DEPTOR: variants seen among roughly 807,000 people sequenced by gnomAD.
DEPTOR encodes DEP domain containing MTOR interacting protein, also known as DEP domain-containing mTOR-interacting protein.
A neutral mutation model predicts 41.6 loss-of-function variants in DEPTOR; 41 were observed. The ratio of observed to expected loss-of-function variants is 0.98; its 90% CI spans 0.77 to 1.28. The LOEUF (loss-of-function observed/expected upper bound fraction) is 1.28, where lower values mean the gene tolerates loss of function less well. Among genes scored for constraint, DEPTOR ranks in the 50% most tolerant of loss-of-function variants. The probability of loss-of-function intolerance (pLI) is 0.00; values close to 1 mark genes in which losing one functional copy is unlikely to be tolerated. For missense variants in DEPTOR, 514 were observed against 527.9 expected (o/e 0.97, Z 0.26); for synonymous variants, 195 against 192.3 (o/e 1.01, Z -0.12).
At chr8:119,993,884 C>T (rs1023730378) in intron 4 of DEPTOR, among the ~76,000 whole-genome samples, 7 of 151,692 alleles carry the variant, frequency 4.6e-5, no homozygotes, top group African/African-American at 9.7e-5. Context: ...AGGCCGGGTG[C>T]GGTGGCTCAC....
intron 4 of DEPTOR, among the ~76,000 whole-genome samples, chr8:119,997,779 C>T (rs1300737703): frequency 6.6e-6 from 1 of 152,070 alleles, no homozygotes; most frequent in Non-Finnish European, 1.5e-5. Context: ...ATAGTTACAA[C>T]CCTAGATTGC....
chr8:120,016,186 A>AATAT (rs1812608874), intron 8 of DEPTOR, among the ~76,000 whole-genome samples: 1 of 152,170 alleles, frequency 6.6e-6, no homozygotes, highest in Admixed American at 6.5e-5. Flanking sequence ...TCTGCTTATA[A>AATAT]AGGCACTAAT....
chr8:119,915,472 G>C (rs951370557), intron 1 of DEPTOR, among the ~76,000 whole-genome samples: 3 of 152,128 alleles, frequency 2.0e-5, no homozygotes, highest in African/African-American at 4.8e-5. Context: ...GTCACAAACA[G>C]ATTCTAGGCT....
intron 8 of DEPTOR, among the ~76,000 whole-genome samples, chr8:120,033,820 C>T (rs908951055): frequency 2.0e-5 from 3 of 152,184 alleles, no homozygotes; most frequent in Non-Finnish European, 2.9e-5. Flanking sequence ...TTTAGAGTGA[C>T]TTCTTGAACT....
chr8:119,942,277 A>C (rs61519992), intron 3 of DEPTOR, among the ~76,000 whole-genome samples: 18,174 of 152,204 alleles, frequency 0.12, 1,683 homozygotes, highest in African/African-American at 0.25. Flanking sequence ...ATCTTGGCTC[A>C]CTGCAATCTC....
At chr8:119,931,225 A>C (rs1321447445) in intron 3 of DEPTOR, among the ~76,000 whole-genome samples, 6 of 152,044 alleles carry the variant, frequency 3.9e-5, no homozygotes, top group African/African-American at 1.2e-4. Flanking sequence ...CTAAAAAAAA[A>C]CAAAACATAT....
At chr8:120,048,446 C>T (rs1813185035) in intron 8 of DEPTOR, among the ~76,000 whole-genome samples, 1 of 152,156 alleles carries the variant, frequency 6.6e-6, no homozygotes, top group Non-Finnish European at 1.5e-5. Context: ...ACTGTGACCT[C>T]CACCATGGTT....
chr8:120,005,063 T>C (rs2130091539), intron 6 of DEPTOR, among the ~76,000 whole-genome samples: 1 of 152,282 alleles, frequency 6.6e-6, no homozygotes, highest in East Asian at 1.9e-4. Flanking sequence ...AGTTTCTATA[T>C]TTTTCAACAT....
intron 4 of DEPTOR, among the ~76,000 whole-genome samples, chr8:119,973,905 A>C (rs1828663948): frequency 6.6e-6 from 1 of 152,186 alleles, no homozygotes; most frequent in Non-Finnish European, 1.5e-5. Flanking sequence ...TCAGTGGAAG[A>C]CAGTAGCAGA....
intron 6 of DEPTOR, 68 bp from the exon 7 acceptor site, chr8:120,006,737 A>G: frequency 7.1e-7 from 1 of 1,405,300 alleles, no homozygotes; most frequent in South Asian, 1.2e-5. Context: ...ATATCAATAA[A>G]TAGCTGCTGA....
intron 8 of DEPTOR, among the ~76,000 whole-genome samples, chr8:120,014,160 T>G (rs1015063117): frequency 4.6e-5 from 7 of 152,184 alleles, no homozygotes; most frequent in African/African-American, 1.7e-4. Flanking sequence ...GGCACTACAA[T>G]TCTAGAATGG....
chr8:120,008,527 C>CAA (rs35570467), intron 7 of DEPTOR, among the ~76,000 whole-genome samples: 2,179 of 99,564 alleles, frequency 0.022, 104 homozygotes, highest in African/African-American at 0.067. Flanking sequence ...GACTCTGTCT[C>CAA]AAAAAAAAAA....
At chr8:119,877,326 A>G (rs1308296037) in intron 1 of DEPTOR, among the ~76,000 whole-genome samples, 1 of 152,256 alleles carries the variant, frequency 6.6e-6, no homozygotes, top group Non-Finnish European at 1.5e-5. Flanking sequence ...TATCGTAAGT[A>G]TTCAATATAC....
intron 3 of DEPTOR, among the ~76,000 whole-genome samples, chr8:119,948,562 A>G (rs1211896550): frequency 1.3e-5 from 2 of 152,126 alleles, no homozygotes. Flanking sequence ...GCCTATTTAA[A>G]GCATATAAGT....
rs1368204710 is a variant in DEPTOR, at chr8:120,050,503, A to G, written c.*799A>G. The G allele has an allele frequency of 3.3e-5, 5 of 152,206 alleles. No individual in the cohort carries two copies. Among genetic ancestry groups the G allele is most frequent in the Non-Finnish European group, 5.9e-5 (4 of 68,038 alleles). The allele number at this position is 152,206 out of a possible 1,614,324, so 9.4% of individuals were successfully genotyped here. On this transcript the variant is annotated 3_prime_UTR_variant, in exon 9 of 9. Transcript: ENST00000286234. ...AGTTTGTATATACACATAATTAAAAATCAACCCTTCTGGCAAGATTTCACT... is the reference window on the plus strand; with the variant it reads ...AGTTTGTATATACACATAATTAAAAGTCAACCCTTCTGGCAAGATTTCACT...
At chr8:119,941,373 CAAAAAAAAAAAAA>C (rs749120675) in intron 3 of DEPTOR, among the ~76,000 whole-genome samples, 1 of 39,964 alleles carries the variant, frequency 2.5e-5, no homozygotes, top group South Asian at 1.2e-3. Context: ...ATCTCCATCT[CAAAAAAAAAAAAA>C]AAAAAAAAAA....
intron 8 of DEPTOR, among the ~76,000 whole-genome samples, chr8:120,038,099 C>T (rs1441172236): frequency 6.7e-6 from 1 of 148,412 alleles, no homozygotes; most frequent in Non-Finnish European, 1.5e-5. Flanking sequence ...CAACCCCTGT[C>T]TCTACTAAAA....
rs1177103228 is a variant in DEPTOR, at chr8:120,002,791, A to AATATATATAT, written c.791-174_791-165dup. 8.7e-4 allele frequency among the ~76,000 whole-genome samples: 53 copies of AATATATATAT among 60,632 alleles called. 1 individual carries two copies. The highest frequency in any genetic ancestry group is 1.1e-3 in the African/African-American group (14 of 13,196). The allele number at this position is 60,632 out of a possible 152,430, so 39.8% of individuals were successfully genotyped here. A position where few individuals can be genotyped will look rare whatever the true frequency, so the allele number is the denominator to read the frequency against. On this transcript the variant is annotated intron_variant, in intron 5 of 8. Transcript: ENST00000286234. ...GACTCCATCTCAAAAAAAAAAAAAA[A>AATATATATAT]ATATATATATATATATATATAATAT...
At chr8:119,952,565 C>T (rs1429673312) in intron 3 of DEPTOR, among the ~76,000 whole-genome samples, 5 of 152,318 alleles carry the variant, frequency 3.3e-5, no homozygotes, top group Non-Finnish European at 4.4e-5. Context: ...TTAAGCCCTG[C>T]ATGCACCGTG....
Sources: gnomAD v4.1 joint callset for allele counts (sites outside exome capture counted in the v4.1 genomes callset) on GRCh38, gnomAD v4.1.1 for gene constraint, MANE v1.5 for transcripts, NCBI Gene and HGNC (gene_info 2026-07-23, HGNC 2026-07-21) for gene names.